LHX9: variants seen among roughly 807,000 people sequenced by gnomAD.
LHX9 encodes the protein LIM homeobox 9.
Under a neutral mutation model 36.5 loss-of-function variants are expected in LHX9, and 9 were observed. That is an observed-to-expected ratio of 0.25 (90% CI 0.15 to 0.43). The LOEUF (loss-of-function observed/expected upper bound fraction) is 0.43. Ranked by LOEUF, LHX9 falls within the 20% of genes least tolerant of loss-of-function variation. The pLI, the probability that LHX9 is intolerant of heterozygous loss-of-function variation, is 1.00. For synonymous variants in LHX9, 211 were observed against 212.1 expected, an observed-to-expected ratio of 0.99 and a Z score of 0.04; for missense variants, 464 against 526.4, an observed-to-expected ratio of 0.88 and a Z score of 1.16.
intron 4 of LHX9, 83 bp from the exon 5 acceptor site, chr1:197,928,919 A>T: frequency 1.4e-6 from 2 of 1,383,912 alleles, no homozygotes; most frequent in Non-Finnish European, 1.9e-6. Flanking sequence ...AGAAAGAAAA[A>T]GAAAAAAAGA....
At position 197,929,284 on chromosome 1, in the gene LHX9, T is replaced by C. The variant is rs777333736; in HGVS notation, c.*25T>C. 1 of 1,334,434 alleles carries C rather than the reference T, an allele frequency of 7.5e-7. No individual in the cohort carries two copies. Among genetic ancestry groups the C allele is most frequent in the Admixed American group, 2.9e-5 (1 of 34,772 alleles). 82.7% of individuals were successfully genotyped at this position (1,334,434 alleles called of 1,614,324 possible). ...ACATTGGTTTTTTTTTTTTAGTTTTTAAATTCTTCCTCTTCTTTTTATTAT... is the reference window on the plus strand; with the variant it reads ...ACATTGGTTTTTTTTTTTTAGTTTTCAAATTCTTCCTCTTCTTTTTATTAT... On this transcript the variant is annotated 3_prime_UTR_variant, in exon 5 of 5. Transcript: ENST00000367387.
In LHX9 at chr1:197,917,929, G is replaced by C. The variant is rs1659826818; in HGVS notation, c.106G>C (p.Glu36Gln). ...SGGHIQGIME[E>Q]MERRSKTEAR... ...AGGCCACATCCAAGGCATCATGGAG[G>C]AGATGGAGCGCAGATCCAAGACTGA... The change falls in exon 1 of 5, where the codon GAG becomes CAG. Residue 36 changes from glutamate (E) to glutamine (Q), a missense_variant. Physicochemically the swap from Glu to Gln is conservative, Grantham distance 29 (BLOSUM62 2). Transcript: ENST00000367387. 1.9e-6 allele frequency: 3 copies of C among 1,614,176 alleles called. No individual in the cohort carries two copies. Among genetic ancestry groups the C allele is most frequent in the Non-Finnish European group, 2.5e-6 (3 of 1,180,018 alleles).
At position 197,932,034 on chromosome 1, in the gene LHX9, C is replaced by A; in HGVS notation, c.*2775C>A. On this transcript the variant is annotated 3_prime_UTR_variant, in exon 5 of 5. Coordinates refer to ENST00000367387, the MANE Select transcript of LHX9 (RefSeq NM_020204.3). Reference sequence around the variant, plus strand: ...ATCCACTGCAGTGAAGACAAAGACACTATTAGGTTATGATAATCATACATT... The same window carrying A: ...ATCCACTGCAGTGAAGACAAAGACAATATTAGGTTATGATAATCATACATT... 8 of 1,167,388 alleles carry A rather than the reference C, an allele frequency of 6.9e-6. No individual in the cohort carries two copies. Among genetic ancestry groups the A allele is most frequent in the South Asian group, 1.4e-5 (1 of 69,552 alleles). The allele number at this position is 1,167,388 out of a possible 1,614,324, so 72.3% of individuals were successfully genotyped here. A position where few individuals can be genotyped will look rare whatever the true frequency, so the allele number is the denominator to read the frequency against.
chr1:197,920,222 G>A (rs559563831), intron 2 of LHX9, 48 bp downstream of exon 2: 2 of 1,571,464 alleles, frequency 1.3e-6, no homozygotes, highest in African/African-American at 1.3e-5. Flanking sequence ...ACCTGGAGGG[G>A]CCATCTGCCT....
chr1:197,923,260 G>A (rs1660044154), intron 3 of LHX9, among the ~76,000 whole-genome samples: 1 of 152,262 alleles, frequency 6.6e-6, no homozygotes, highest in Non-Finnish European at 1.5e-5. Context: ...GTCAATCTGT[G>A]TGAGGGCAGC....
intron 3 of LHX9, among the ~76,000 whole-genome samples, chr1:197,922,315 G>T (rs1660018848): frequency 6.6e-6 from 1 of 152,186 alleles, no homozygotes; most frequent in African/African-American, 2.4e-5. Context: ...CCCTGGAACT[G>T]AAAGTACCTC....
At chr1:197,917,130 G>C (rs757908677), upstream of LHX9, 3 of 401,246 alleles carry the variant, frequency 7.5e-6, no homozygotes, top group East Asian at 3.3e-4. Flanking sequence ...GCGCGCGCGC[G>C]TGTGTGTGTT....
upstream of LHX9, chr1:197,917,105 T>C (rs764874614): frequency 2.9e-5 from 5 of 174,670 alleles, no homozygotes; most frequent in Non-Finnish European, 5.5e-5. Flanking sequence ...TGTGTGTGTG[T>C]GTGTGTGTGT....
intron 1 of LHX9, chr1:197,918,230 G>A (rs1387034762): frequency 2.8e-6 from 2 of 714,320 alleles, no homozygotes; most frequent in African/African-American, 1.8e-5. Flanking sequence ...TTCCGAAAGA[G>A]CAGGGAGAGG....
At position 197,917,883 on chromosome 1, in the gene LHX9, G is replaced by A. The variant is rs781663927; in HGVS notation, c.60G>A (p.Met20Ile). 1.2e-6 allele frequency: 2 copies of A among 1,614,236 alleles called. No individual in the cohort carries two copies. The highest frequency in any genetic ancestry group is 1.7e-5 in the Admixed American group (1 of 60,030). Reference protein sequence around the residue: ...DNSCPFRPPAMLFHGISGGHI... With the variant: ...DNSCPFRPPAILFHGISGGHI... ...CGTGTCCTTTCCGCCCCCCAGCCATGCTCTTTCACGGGATCTCCGGAGGCC... is the reference window on the plus strand; with the variant it reads ...CGTGTCCTTTCCGCCCCCCAGCCATACTCTTTCACGGGATCTCCGGAGGCC... Residue 20 changes from methionine to isoleucine, a missense_variant, in exon 1 of 5, where the codon ATG becomes ATA. Coordinates refer to ENST00000367387, the MANE Select transcript of LHX9 (RefSeq NM_020204.3).
At position 197,929,382 on chromosome 1, in the gene LHX9, A is replaced by G. The variant is rs937929152; in HGVS notation, c.*123A>G. ...CTAACCCACAAGATATTTGGGGAAT[A>G]AAAATAACAGCTTGGTGTGTAGCAT... On this transcript the variant is annotated 3_prime_UTR_variant, in exon 5 of 5. Transcript: ENST00000367387. 1 of 1,189,522 alleles carries G rather than the reference A, an allele frequency of 8.4e-7. No individual in the cohort carries two copies. The highest frequency in any genetic ancestry group is 1.0e-6 in the Non-Finnish European group (1 of 965,866). The allele number at this position is 1,189,522 out of a possible 1,614,324, so 73.7% of individuals were successfully genotyped here.
chr1:197,922,097 G>A (rs16842125), intron 3 of LHX9, among the ~76,000 whole-genome samples: 4,777 of 152,056 alleles, frequency 0.031, 271 homozygotes, highest in African/African-American at 0.11. Flanking sequence ...TCTGTCTAGA[G>A]GGGTCAGAGG....
chr1:197,918,448 C>A, intron 1 of LHX9: 1 of 710,390 alleles, frequency 1.4e-6, no homozygotes. Flanking sequence ...ATGACCGGAC[C>A]TGTGGAGTAG....
At position 197,931,959 on chromosome 1, in the gene LHX9, G is replaced by A. The variant is rs1316337994; in HGVS notation, c.*2700G>A. 5 of 1,546,940 alleles carry A rather than the reference G, an allele frequency of 3.2e-6. No homozygotes were observed. The highest frequency in any genetic ancestry group is 1.4e-5 in the African/African-American group (1 of 72,894). On this transcript the variant is annotated 3_prime_UTR_variant, in exon 5 of 5. Coordinates refer to ENST00000367387, the MANE Select transcript of LHX9 (RefSeq NM_020204.3). ...GGGCATTACAGCCAAACATCCCGAC[G>A]TTTGAAAATTCCCTAAAGTATTAAA...
intron 3 of LHX9, among the ~76,000 whole-genome samples, chr1:197,925,038 T>C (rs1210966937): frequency 9.0e-6 from 1 of 111,620 alleles, no homozygotes; most frequent in Non-Finnish European, 1.8e-5. Flanking sequence ...GTAGAAGAAA[T>C]AGCTTTCTCT....
chr1:197,931,764 A>C lies in LHX9; in HGVS notation c.*2505A>C, dbSNP rs1354249744. On this transcript the variant is annotated 3_prime_UTR_variant, in exon 5 of 5. Transcript: ENST00000367387. ...GAATAAAAAGGCTAATTAGCATATA[A>C]AGTAATTGCATGGAACGAAACCTTA... 6 of 535,608 alleles carry C rather than the reference A, an allele frequency of 1.1e-5. No individual in the cohort carries two copies. The highest frequency in any genetic ancestry group is 1.9e-5 in the African/African-American group (1 of 52,876). 33.2% of individuals were successfully genotyped at this position (535,608 alleles called of 1,614,324 possible).
At position 197,921,257 on chromosome 1, in the gene LHX9, C is replaced by G; in HGVS notation, c.378-47C>G. ...CCCAGGTGTCGCGGGTGGGATATGG[C>G]TCTGCCTTGCTTCAACTAGCGCCCT... On this transcript the variant is annotated intron_variant, in intron 2 of 4. Coordinates refer to ENST00000367387, the MANE Select transcript of LHX9 (RefSeq NM_020204.3). This position sits in a 1 kb window ranked among gnomAD's most constrained non-coding sequence, Gnocchi z 4.6. The G allele has an allele frequency of 6.5e-7, 1 of 1,537,278 alleles. No homozygotes were observed.
chr1:197,917,155 A>T (rs1268083325), upstream of LHX9: 17 of 792,914 alleles, frequency 2.1e-5, no homozygotes, highest in East Asian at 1.0e-3. Flanking sequence ...GGGGAGGTAA[A>T]TGCCCCCTCC....
intron 3 of LHX9, among the ~76,000 whole-genome samples, chr1:197,926,319 G>T (rs1660140372): frequency 6.6e-6 from 1 of 152,130 alleles, no homozygotes; most frequent in South Asian, 2.1e-4. Context: ...GACATGATCA[G>T]GTTGGTTTTA....
Sources: allele counts gnomAD v4.1 joint callset (sites outside exome capture counted in the v4.1 genomes callset), GRCh38; gene constraint gnomAD v4.1.1; non-coding constraint Gnocchi (gnomAD v3.1); transcripts MANE v1.5; gene names NCBI Gene and HGNC (gene_info 2026-07-23, HGNC 2026-07-21).